Variants in GPSM1 observed in about 807,000 individuals in gnomAD.
GPSM1 encodes G protein-signaling modulator 1.
Under a neutral mutation model 70.5 loss-of-function variants are expected in GPSM1, and 48 were observed. The ratio of observed to expected loss-of-function variants is 0.68; its 90% CI spans 0.54 to 0.87. The LOEUF (loss-of-function observed/expected upper bound fraction) is 0.87, where lower values mean the gene tolerates loss of function less well. Among genes scored for constraint, GPSM1 ranks in the 40% least tolerant of loss-of-function variants. The probability of loss-of-function intolerance (pLI) is 0.00; values close to 1 mark genes in which losing one functional copy is unlikely to be tolerated. For synonymous variants in GPSM1, 416 were observed against 430.1 expected (o/e 0.97, Z 0.41); for missense variants, 981 against 972.6 (o/e 1.01, Z -0.11).
chr9:136,357,932 C>A, intron 13 of GPSM1, 82 bp from the exon 14 acceptor site: 1 of 1,103,620 alleles, frequency 9.1e-7, no homozygotes, highest in South Asian at 1.3e-5. Flanking sequence ...TGCACGCTGG[C>A]CTCTGGAACC....
intron 9 of GPSM1, among the ~76,000 whole-genome samples, chr9:136,347,387 C>T (rs782340594): frequency 6.6e-5 from 10 of 151,658 alleles, no homozygotes; most frequent in African/African-American, 9.7e-5. Flanking sequence ...GGTGGAGGGA[C>T]GCTTGGTTCC....
Position 136,358,037 on chromosome 9 carries a change from C to G in GPSM1, c.1845C>G (p.Arg615=), listed in dbSNP as rs985590245. Residue 615 remains arginine (R), a synonymous_variant, in exon 14 of 14, where the codon CGC becomes CGG. Transcript: ENST00000440944. The part of the protein sequence containing the change: ...KYQSSRIDDQ[R]CPPPDVLPRG... ...AGTCCTCCAGGATCGATGACCAGCG[C>G]TGCCCGCCACCTGACGTACTGCCCC... The G allele has an allele frequency of 6.2e-7, 1 of 1,612,626 alleles. No individual in the cohort carries two copies. The highest frequency in any genetic ancestry group is 2.2e-5 in the East Asian group (1 of 44,878).
intron 11 of GPSM1, 120 bp downstream of exon 11, chr9:136,349,883 C>G: frequency 1.4e-5 from 13 of 912,926 alleles, no homozygotes; most frequent in Non-Finnish European, 1.9e-5. Flanking sequence ...AGGCAGGGGT[C>G]CCTCCCCGGT....
Position 136,340,160 on chromosome 9 carries a change from A to G in GPSM1, c.1083+345A>G, listed in dbSNP as rs1245621246. 6.6e-6 allele frequency among the ~76,000 whole-genome samples: 1 copy of G among 151,782 alleles called. No homozygotes were observed. Among genetic ancestry groups the G allele is most frequent in the African/African-American group, 2.4e-5 (1 of 41,286 alleles). On this transcript the variant is annotated intron_variant, in intron 8 of 13. Transcript: ENST00000440944. This position sits in a 1 kb window ranked among gnomAD's most constrained non-coding sequence, Gnocchi z 7.3. ...GCCTCCCGGCTCCCGGCCTGTCCTT[A>G]CATCACCCACTCCCACGCCACCTCC...
intron 6 of GPSM1, 70 bp from the exon 7 acceptor site, chr9:136,338,485 C>T: frequency 6.8e-7 from 1 of 1,460,514 alleles, no homozygotes; most frequent in Non-Finnish European, 9.3e-7. Context: ...CAGACTGCGT[C>T]CCCATTCTTA....
At chr9:136,350,045 C>T (rs1294566003) in intron 11 of GPSM1, among the ~76,000 whole-genome samples, 3 of 152,218 alleles carry the variant, frequency 2.0e-5, no homozygotes, top group Admixed American at 2.0e-4. Flanking sequence ...GAACGCCCCG[C>T]CTCTCTTTGG....
At chr9:136,349,898 C>T in intron 11 of GPSM1, 135 bp downstream of exon 11, 5 of 791,174 alleles carry the variant, frequency 6.3e-6, no homozygotes, top group Non-Finnish European at 9.8e-6. Context: ...CCCGGTGCAC[C>T]TGGTGCAGTG....
intron 11 of GPSM1, among the ~76,000 whole-genome samples, chr9:136,350,966 A>G (rs1832645622): frequency 6.6e-6 from 1 of 152,184 alleles, no homozygotes. Context: ...GGGCCACCCC[A>G]GCCACGGGAG....
intron 11 of GPSM1, chr9:136,354,992 A>G: frequency 9.3e-7 from 1 of 1,079,030 alleles, no homozygotes; most frequent in Non-Finnish European, 1.1e-6. Flanking sequence ...ATGAGAGGGG[A>G]GAAGTCCGGG....
chr9:136,337,525 G>A lies in GPSM1; in HGVS notation c.663G>A (p.Leu221=), dbSNP rs1342793480. 3.8e-6 allele frequency: 6 copies of A among 1,560,562 alleles called. No homozygotes were observed. The African/African-American group carries it at 6.8e-5, about 18-fold the overall frequency. ...GCAACCTGGGCAACACCCACTATTTGTTGGGGAACTTCACAGAGGCCACGA... is the reference window on the plus strand; with the variant it reads ...GCAACCTGGGCAACACCCACTATTTATTGGGGAACTTCACAGAGGCCACGA... ...AYGNLGNTHY[L]LGNFTEATTF... Residue 221 remains leucine (L), a synonymous_variant, in exon 5 of 14, where the codon TTG becomes TTA. Coordinates refer to ENST00000440944, the MANE Select transcript of GPSM1 (RefSeq NM_001145638.3).
At chr9:136,356,130 C>T (rs375460834) in intron 12 of GPSM1, among the ~76,000 whole-genome samples, 44 of 152,250 alleles carry the variant, frequency 2.9e-4, no homozygotes, top group African/African-American at 9.4e-4. Flanking sequence ...CTGTCACCCC[C>T]TGGAAGCCCC....
chr9:136,358,472 G>A lies in GPSM1; in HGVS notation c.*252G>A. 1 of 553,826 alleles carries A rather than the reference G, an allele frequency of 1.8e-6. No homozygotes were observed. The highest frequency in any genetic ancestry group is 3.1e-6 in the Non-Finnish European group (1 of 317,908). 34.3% of individuals were successfully genotyped at this position (553,826 alleles called of 1,614,324 possible). ...TGCCGCAGGCCGGACGGGGCCTTCG[G>A]CATGTCGGCCCCGACCTGGTGCTGT... On this transcript the variant is annotated 3_prime_UTR_variant, in exon 14 of 14. Transcript: ENST00000440944.
At chr9:136,349,794 A>G in intron 11 of GPSM1, 31 bp downstream of exon 11, 1 of 1,528,120 alleles carries the variant, frequency 6.5e-7, no homozygotes, top group Non-Finnish European at 8.8e-7. Context: ...ATCCAGGCCG[A>G]GAGGGAGGAG....
chr9:136,353,109 G>A, intron 11 of GPSM1: 1 of 985,520 alleles, frequency 1.0e-6, no homozygotes, highest in Non-Finnish European at 1.2e-6. Context: ...GTGTGGCCAA[G>A]CACCCAGCGT....
chr9:136,356,786 C>G (rs1364754735), intron 13 of GPSM1, among the ~76,000 whole-genome samples: 7 of 152,162 alleles, frequency 4.6e-5, no homozygotes, highest in Admixed American at 4.6e-4. Flanking sequence ...CCTGGCAACC[C>G]CAGGACACTC....
chr9:136,340,908 C>T lies in GPSM1; in HGVS notation c.1122C>T (p.Asn374=), dbSNP rs375586873. ...ATGGGGAGCTCACGGCCCGCATGAA[C>T]GTGGCGCAGCTGCAGCTGGTGCTCG... ...DRHGELTARM[N]VAQLQLVLGR... is the part of the protein sequence containing the mutation. The change falls in exon 9 of 14, where the codon AAC becomes AAT. Residue 374 remains asparagine (N), a synonymous_variant. Coordinates refer to ENST00000440944, the MANE Select transcript of GPSM1 (RefSeq NM_001145638.3). This position sits in a 1 kb window ranked among gnomAD's most constrained non-coding sequence, Gnocchi z 7.3. 1,053 of 1,575,634 alleles carry T rather than the reference C, an allele frequency of 6.7e-4. No homozygotes were observed. The highest frequency in any genetic ancestry group is 9.6e-4 in the Middle Eastern group (5 of 5,212).
chr9:136,334,406 T>C (rs782262594), intron 1 of GPSM1, 41 bp from the exon 2 acceptor site: 1 of 1,541,824 alleles, frequency 6.5e-7, no homozygotes, highest in South Asian at 1.1e-5. Flanking sequence ...CCGGGGCGAC[T>C]TTGCCAGGGC....
chr9:136,356,592 G>A, intron 13 of GPSM1, 42 bp downstream of exon 13: 1 of 1,489,068 alleles, frequency 6.7e-7, no homozygotes, highest in South Asian at 1.2e-5. Context: ...CGGCCCCTTT[G>A]CCATCCACGT....
intron 9 of GPSM1, among the ~76,000 whole-genome samples, chr9:136,344,790 C>T (rs557828973): frequency 1.4e-4 from 22 of 152,272 alleles, no homozygotes; most frequent in Non-Finnish European, 2.4e-4. Flanking sequence ...CTGGAGCTGA[C>T]GGAGCAAGGC....
Sources: gnomAD v4.1 joint callset for allele counts (sites outside exome capture counted in the v4.1 genomes callset) on GRCh38, gnomAD v4.1.1 for gene constraint, Gnocchi (gnomAD v3.1) non-coding constraint, MANE v1.5 for transcripts, NCBI Gene and HGNC (gene_info 2026-07-23, HGNC 2026-07-21) for gene names.